Variants in OR9Q1 observed in about 807,000 individuals in gnomAD.
OR9Q1 encodes olfactory receptor family 9 subfamily Q member 1, also known as olfactory receptor 9Q1.
For missense variants in OR9Q1, 374 were observed against 378.8 expected (o/e 0.99, Z 0.11); for synonymous variants, 153 against 148.6 (o/e 1.03, Z -0.22).
intron 2 of OR9Q1, among the ~76,000 whole-genome samples, chr11:58,090,470 C>T (rs762215651): frequency 6.6e-6 from 1 of 152,138 alleles, no homozygotes; most frequent in Non-Finnish European, 1.5e-5. Flanking sequence ...TATGTTGAAC[C>T]AGCCTTGCAT....
intron 2 of OR9Q1, chr11:58,108,937 G>A (rs910999870): frequency 7.9e-6 from 3 of 378,602 alleles, no homozygotes; most frequent in East Asian, 7.3e-5. Flanking sequence ...GAGATGGGAG[G>A]TGCAGGTGGA....
intron 2 of OR9Q1, among the ~76,000 whole-genome samples, chr11:58,069,557 C>G (rs1262452695): frequency 6.6e-6 from 1 of 152,130 alleles, no homozygotes; most frequent in Non-Finnish European, 1.5e-5. Context: ...TCTGCTATGT[C>G]CCCTGAAGAA....
chr11:58,053,763 G>C (rs968641855), intron 1 of OR9Q1, among the ~76,000 whole-genome samples: 1 of 148,968 alleles, frequency 6.7e-6, no homozygotes, highest in Non-Finnish European at 1.5e-5. Context: ...AGACACTCTT[G>C]GATTATGTGA....
chr11:58,057,878 T>C (rs1022242579), intron 2 of OR9Q1: 2 of 152,210 alleles, frequency 1.3e-5, no homozygotes, highest in Admixed American at 1.3e-4. Flanking sequence ...AGCATTTGTA[T>C]GCATGATCTC....
intron 1 of OR9Q1, chr11:58,044,567 T>C (rs1435510043): frequency 1.3e-5 from 2 of 152,230 alleles, no homozygotes; most frequent in African/African-American, 4.8e-5. Context: ...TAGGTCCCTC[T>C]CTCTCTTTCT....
intron 1 of OR9Q1, among the ~76,000 whole-genome samples, chr11:58,050,392 G>C (rs371301190): frequency 2.4e-4 from 33 of 139,278 alleles, no homozygotes; most frequent in East Asian, 8.6e-4. Flanking sequence ...ACTGGCTAGC[G>C]ATATGTAGAA....
rs192766597 is a variant in OR9Q1 at position 58,118,371 on chromosome 11, T to C, written c.-14-61060T>C. On this transcript the variant is annotated intron_variant, in intron 2 of 2. Transcript: ENST00000335397. ...TTCACCACAATTGTAGTTTTTCCTG[T>C]GTGCCTGGTGGTACCTATCTTCTGT... 9.7e-5 allele frequency: 62 copies of C among 642,082 alleles called. No individual in the cohort carries two copies. In the African/African-American group the frequency reaches 1.0e-3, roughly 11 times the overall value. 39.8% of individuals were successfully genotyped at this position (642,082 alleles called of 1,614,324 possible). A position where few individuals can be genotyped will look rare whatever the true frequency, so the allele number is the denominator to read the frequency against.
intron 2 of OR9Q1, among the ~76,000 whole-genome samples, chr11:58,062,479 G>A (rs1216144507): frequency 6.6e-6 from 1 of 152,142 alleles, no homozygotes; most frequent in Non-Finnish European, 1.5e-5. Context: ...TTTGTGAAGA[G>A]GTTAACCTCA....
At chr11:58,125,251 A>AC (rs1221727554) in intron 2 of OR9Q1, 2 of 68,702 alleles carry the variant, frequency 2.9e-5, no homozygotes, top group African/African-American at 4.6e-5. Context: ...CCCCCCCCCA[A>AC]AAAAAAGCTG....
At chr11:58,028,721 G>C (rs1327324237) in intron 1 of OR9Q1, among the ~76,000 whole-genome samples, 2 of 152,148 alleles carry the variant, frequency 1.3e-5, no homozygotes, top group African/African-American at 2.4e-5. Context: ...AGTGTCTGGG[G>C]CTGCAATGCA....
chr11:58,104,934 G>A (rs865835737), intron 2 of OR9Q1, among the ~76,000 whole-genome samples: 8 of 152,132 alleles, frequency 5.3e-5, no homozygotes, highest in South Asian at 4.1e-4. Flanking sequence ...TTTTGGAGTC[G>A]ATTGTTGCTG....
intron 2 of OR9Q1, among the ~76,000 whole-genome samples, chr11:58,064,864 T>C (rs565137214): frequency 6.6e-6 from 1 of 152,060 alleles, no homozygotes; most frequent in South Asian, 2.1e-4. Flanking sequence ...TAGATGTACA[T>C]TTGCTTAAAG....
chr11:58,024,294 C>T (rs973530553), intron 1 of OR9Q1, among the ~76,000 whole-genome samples, 190 bp downstream of exon 1: 6 of 152,118 alleles, frequency 3.9e-5, no homozygotes, highest in Non-Finnish European at 7.4e-5. Flanking sequence ...CATCTCCTAG[C>T]CCCGCTGTCT....
At chr11:58,126,807 A>G (rs1394759455) in intron 2 of OR9Q1, among the ~76,000 whole-genome samples, 1 of 152,214 alleles carries the variant, frequency 6.6e-6, no homozygotes, top group Non-Finnish European at 1.5e-5. Context: ...TAATAAGAAT[A>G]TTCCATTCAA....
At chr11:58,024,780 G>T (rs1429558472) in intron 1 of OR9Q1, among the ~76,000 whole-genome samples, 2 of 152,186 alleles carry the variant, frequency 1.3e-5, no homozygotes, top group Non-Finnish European at 2.9e-5. Context: ...GAGTGTGACT[G>T]TGCTTTGCAG....
intron 2 of OR9Q1, among the ~76,000 whole-genome samples, chr11:58,125,077 G>A (rs1854075672): frequency 6.6e-6 from 1 of 152,080 alleles, no homozygotes; most frequent in Non-Finnish European, 1.5e-5. Context: ...TTCTACTCCA[G>A]CATAATTACA....
At chr11:58,120,998 G>A (rs978753499) in intron 2 of OR9Q1, among the ~76,000 whole-genome samples, 1 of 151,558 alleles carries the variant, frequency 6.6e-6, no homozygotes, top group African/African-American at 2.4e-5. Context: ...TCTATATTTT[G>A]ACTACGGGTT....
At chr11:58,116,079 C>T (rs368787035) in intron 2 of OR9Q1, among the ~76,000 whole-genome samples, 1 of 152,130 alleles carries the variant, frequency 6.6e-6, no homozygotes, top group Non-Finnish European at 1.5e-5. Context: ...ATAAAAGAAG[C>T]CCGAGGATAG....
At chr11:58,134,718 T>C (rs1854175007) in intron 2 of OR9Q1, among the ~76,000 whole-genome samples, 1 of 152,172 alleles carries the variant, frequency 6.6e-6, no homozygotes, top group Non-Finnish European at 1.5e-5. Flanking sequence ...ACCTCCTGTC[T>C]TCAGGCAGGG....
Sources: allele counts gnomAD v4.1 joint callset (sites outside exome capture counted in the v4.1 genomes callset), GRCh38; gene constraint gnomAD v4.1.1; transcripts MANE v1.5; gene names NCBI Gene and HGNC (gene_info 2026-07-23, HGNC 2026-07-21).